Variants in RANBP2 observed in about 807,000 individuals in gnomAD.
RANBP2 encodes E3 SUMO-protein ligase RanBP2.
Under a neutral mutation model 303.6 loss-of-function variants are expected in RANBP2, and 57 were observed. The ratio of observed to expected loss-of-function variants is 0.19; its 90% CI spans 0.15 to 0.23. The LOEUF is 0.23. RANBP2 is among the 10% of genes least tolerant of loss of function. RANBP2 has a pLI of 1.00. For synonymous variants in RANBP2, 1,167 were observed against 1,301.5 expected (o/e 0.90, Z 2.23); for missense variants, 3,138 against 3,780.8 (o/e 0.83, Z 4.46).
chr2:108,896,990 C>T, the RANBP2 span: 1 of 1,613,854 alleles, frequency 6.2e-7, no homozygotes, highest in East Asian at 2.2e-5. Context: ...TCCACAGCAT[C>T]CAGCCGCTCA....
At chr2:109,673,695 C>A in the RANBP2 span, among the ~76,000 whole-genome samples, 582 of 151,564 alleles carry the variant, frequency 3.8e-3, 5 homozygotes, top group African/African-American at 0.013. Flanking sequence ...AAAACCCCAT[C>A]TCTACTAAAA....
At chr2:109,207,385 G>A in the RANBP2 span, among the ~76,000 whole-genome samples, 1 of 152,100 alleles carries the variant, frequency 6.6e-6, no homozygotes, top group Non-Finnish European at 1.5e-5. Context: ...GGTTGCTATG[G>A]AGACAACATA....
At chr2:109,546,075 G>C in the RANBP2 span, 2 of 1,600,888 alleles carry the variant, frequency 1.2e-6, no homozygotes, top group South Asian at 2.2e-5. Flanking sequence ...TCCTTCCTCA[G>C]GTTGCTGCCT....
the RANBP2 span, among the ~76,000 whole-genome samples, chr2:108,823,870 G>A: frequency 2.6e-5 from 4 of 152,070 alleles, no homozygotes; most frequent in Admixed American, 2.0e-4. Context: ...CCAGCTACTC[G>A]GGATGCTGAG....
chr2:108,721,317 A>G (rs187237420), intron 1 of RANBP2, among the ~76,000 whole-genome samples: 75 of 152,334 alleles, frequency 4.9e-4, no homozygotes, highest in South Asian at 1.7e-3. Context: ...AGGAGGATAG[A>G]TATCTACTTG....
At chr2:109,478,127 G>C in the RANBP2 span, among the ~76,000 whole-genome samples, 20 of 152,242 alleles carry the variant, frequency 1.3e-4, no homozygotes, top group African/African-American at 2.2e-4. Flanking sequence ...CAGCCGGAGA[G>C]GAGCTGCCTG....
the RANBP2 span, among the ~76,000 whole-genome samples, chr2:109,460,310 A>G: frequency 1.3e-5 from 2 of 152,150 alleles, no homozygotes; most frequent in African/African-American, 4.8e-5. Flanking sequence ...CCCTTCCTTG[A>G]TGGAGGTGGT....
the RANBP2 span, among the ~76,000 whole-genome samples, chr2:109,462,473 C>T: frequency 6.6e-6 from 1 of 152,140 alleles, no homozygotes. Flanking sequence ...CTGTCATTCT[C>T]CATGATCCAT....
chr2:109,001,265 G>C, the RANBP2 span, among the ~76,000 whole-genome samples: 4 of 142,752 alleles, frequency 2.8e-5, no homozygotes, highest in Non-Finnish European at 4.4e-5. Context: ...ATCACAGAAA[G>C]AATCAGGACC....
chr2:109,052,116 A>T, the RANBP2 span, among the ~76,000 whole-genome samples: 1 of 152,190 alleles, frequency 6.6e-6, no homozygotes, highest in Non-Finnish European at 1.5e-5. Context: ...AAATGTATCC[A>T]ATAGGTAAAT....
the RANBP2 span, among the ~76,000 whole-genome samples, chr2:108,846,516 GA>G: frequency 4.4e-4 from 59 of 135,078 alleles, no homozygotes; most frequent in East Asian, 6.4e-4. Flanking sequence ...CATCTCTACC[GA>G]AAAAAAAAAA....
the RANBP2 span, among the ~76,000 whole-genome samples, chr2:109,363,858 T>C: frequency 1.3e-5 from 2 of 152,202 alleles, no homozygotes; most frequent in Non-Finnish European, 2.9e-5. Context: ...AGGTAATGTG[T>C]TTTTTCCCCT....
chr2:108,862,195 T>TA, the RANBP2 span, among the ~76,000 whole-genome samples: 744 of 147,106 alleles, frequency 5.1e-3, 7 homozygotes, highest in South Asian at 0.023. Flanking sequence ...CCATGCCACT[T>TA]AAAAAAAAAA....
the RANBP2 span, among the ~76,000 whole-genome samples, chr2:109,170,271 T>C: frequency 1.0e-4 from 10 of 99,608 alleles, no homozygotes; most frequent in African/African-American, 3.1e-4. Context: ...TCTCTTCTCT[T>C]CTCTTCTCTT....
the RANBP2 span, among the ~76,000 whole-genome samples, chr2:109,020,630 T>C: frequency 2.0e-5 from 3 of 152,108 alleles, no homozygotes; most frequent in Non-Finnish European, 4.4e-5. Context: ...AATCTAACAA[T>C]GAGGACTTGG....
chr2:108,809,115 C>T, the RANBP2 span, among the ~76,000 whole-genome samples: 1 of 152,108 alleles, frequency 6.6e-6, no homozygotes, highest in African/African-American at 2.4e-5. Flanking sequence ...TGTAGAAAAT[C>T]AGTTGGCTGT....
the RANBP2 span, among the ~76,000 whole-genome samples, chr2:109,218,458 T>C: frequency 6.6e-6 from 1 of 152,220 alleles, no homozygotes; most frequent in South Asian, 2.1e-4. Flanking sequence ...CCACTTCCTT[T>C]CTGCTATACA....
chr2:109,537,233 A>G, the RANBP2 span, among the ~76,000 whole-genome samples: 2 of 152,350 alleles, frequency 1.3e-5, 1 homozygote, highest in Middle Eastern at 6.8e-3. Context: ...AGCCAGTGTT[A>G]TAAGAGATTT....
the RANBP2 span, chr2:108,910,564 G>T: frequency 6.3e-7 from 1 of 1,583,548 alleles, no homozygotes; most frequent in Non-Finnish European, 8.7e-7. Context: ...GGGGAGATAG[G>T]AGTTAGAATT....
Sources: allele counts gnomAD v4.1 joint callset (sites outside exome capture counted in the v4.1 genomes callset), GRCh38; gene constraint gnomAD v4.1.1; transcripts MANE v1.5; gene names NCBI Gene and HGNC (gene_info 2026-07-23, HGNC 2026-07-21).